The following LYZL1 variants were observed in gnomAD, a reference collection of about 807,000 sequenced individuals.
The protein encoded by LYZL1 is lysozyme like 1.
Under a neutral mutation model 17.9 loss-of-function variants are expected in LYZL1, and 16 were observed. The observed-to-expected ratio is 0.90, with a 90% confidence interval of 0.61 to 1.36. The LOEUF (loss-of-function observed/expected upper bound fraction) is 1.36, where lower values mean the gene tolerates loss of function less well. Ranked by LOEUF, LYZL1 falls within the 40% of genes most tolerant of loss-of-function variation. The pLI is 0.00. For missense variants in LYZL1, 149 were observed against 188.4 expected, an observed-to-expected ratio of 0.79 and a Z score of 1.22; for synonymous variants, 58 against 71.8, an observed-to-expected ratio of 0.81 and a Z score of 0.97.
intron 3 of LYZL1, among the ~76,000 whole-genome samples, chr10:29,306,368 G>C (rs866218576): frequency 7.1e-6 from 1 of 139,894 alleles, no homozygotes; most frequent in Non-Finnish European, 1.6e-5. Flanking sequence ...GGCTAAAACG[G>C]TGAAACCCCG....
intron 3 of LYZL1, among the ~76,000 whole-genome samples, chr10:29,308,262 C>A (rs781326686): frequency 3.5e-4 from 54 of 152,156 alleles, no homozygotes; most frequent in Non-Finnish European, 6.5e-4. Context: ...TGACCCACAC[C>A]CAGTGACATG....
chr10:29,291,737 C>G, intron 1 of LYZL1, 106 bp from the exon 2 acceptor site: 1 of 1,349,676 alleles, frequency 7.4e-7, no homozygotes, highest in Non-Finnish European at 1.0e-6. Flanking sequence ...CACTGAATGA[C>G]CAAAGTGACA....
intron 3 of LYZL1, among the ~76,000 whole-genome samples, chr10:29,306,839 TGAGAGAGA>T (rs146929957): frequency 0.017 from 2,305 of 138,942 alleles, 45 homozygotes; most frequent in African/African-American, 0.057. Flanking sequence ...TGAAAGAGAT[TGAGAGAGA>T]GAGAGAGAGA....
At chr10:29,317,946 T>C (rs1415019367) in intron 4 of LYZL1, among the ~76,000 whole-genome samples, 1 of 143,418 alleles carries the variant, frequency 7.0e-6, no homozygotes, top group Non-Finnish European at 1.5e-5. Context: ...CCTGTCTCTT[T>C]AAAAAAAAAA....
intron 3 of LYZL1, among the ~76,000 whole-genome samples, chr10:29,306,549 CAAAAAAAAA>C (rs58001118): frequency 8.2e-5 from 4 of 48,794 alleles, no homozygotes; most frequent in East Asian, 4.9e-4. Flanking sequence ...GACTCCGTCT[CAAAAAAAAA>C]AAAAAAAAAA....
intron 3 of LYZL1, among the ~76,000 whole-genome samples, chr10:29,303,936 T>C (rs1034669646): frequency 1.3e-5 from 2 of 152,192 alleles, no homozygotes; most frequent in African/African-American, 4.8e-5. Flanking sequence ...TTCTTTTTGT[T>C]TTTGGTAGAG....
chr10:29,297,228 G>GA (rs1393687919), intron 3 of LYZL1, among the ~76,000 whole-genome samples: 1 of 151,852 alleles, frequency 6.6e-6, no homozygotes, highest in African/African-American at 2.4e-5. Flanking sequence ...AAAGCAGAGT[G>GA]AAAAAAAGAG....
intron 3 of LYZL1, among the ~76,000 whole-genome samples, chr10:29,293,951 G>A (rs1443624371): frequency 2.0e-5 from 3 of 151,604 alleles, no homozygotes. Flanking sequence ...TCCAGCCTGG[G>A]TGACAGAGAA....
intron 3 of LYZL1, among the ~76,000 whole-genome samples, chr10:29,308,906 A>C (rs974934213): frequency 6.6e-6 from 1 of 152,236 alleles, no homozygotes; most frequent in Non-Finnish European, 1.5e-5. Context: ...TTGAGACTGC[A>C]GTGAGCTATA....
At chr10:29,294,121 C>A (rs1308367759) in intron 3 of LYZL1, among the ~76,000 whole-genome samples, 2 of 151,868 alleles carry the variant, frequency 1.3e-5, no homozygotes, top group African/African-American at 4.8e-5. Context: ...CAAAGAGGTG[C>A]CTGTGGGAAG....
chr10:29,313,473 T>C (rs1202864173), downstream of LYZL1, among the ~76,000 whole-genome samples: 1 of 152,116 alleles, frequency 6.6e-6, no homozygotes, highest in Non-Finnish European at 1.5e-5. Context: ...GGGGAAATAT[T>C]TTTTTTAAAC....
At chr10:29,311,264 G>A, downstream of LYZL1, 1 of 1,425,672 alleles carries the variant, frequency 7.0e-7, no homozygotes, top group African/African-American at 1.4e-5. Context: ...ATAATAGCAT[G>A]GTGTTAAGAC....
At chr10:29,306,571 A>AAAG (rs1554784237) in intron 3 of LYZL1, among the ~76,000 whole-genome samples, 7 of 147,648 alleles carry the variant, frequency 4.7e-5, no homozygotes, top group South Asian at 2.1e-4. Context: ...AAAAAAAAAA[A>AAAG]AAAAGAAAAA....
intron 3 of LYZL1, among the ~76,000 whole-genome samples, chr10:29,307,142 C>G (rs1564393248): frequency 6.6e-6 from 1 of 152,290 alleles, no homozygotes; most frequent in East Asian, 1.9e-4. Context: ...ACATGAGCTA[C>G]TGTGCCCGGC....
intron 3 of LYZL1, among the ~76,000 whole-genome samples, chr10:29,298,090 C>T (rs1372747054): frequency 1.3e-5 from 2 of 152,096 alleles, no homozygotes; most frequent in African/African-American, 2.4e-5. Flanking sequence ...GAAGACAGAA[C>T]AAACACAAAC....
At chr10:29,314,613 C>T (rs931606200), downstream of LYZL1, among the ~76,000 whole-genome samples, 2 of 152,068 alleles carry the variant, frequency 1.3e-5, no homozygotes, top group Non-Finnish European at 2.9e-5. Flanking sequence ...GGCCCTGTCT[C>T]TTAAAAAAAT....
intron 1 of LYZL1, among the ~76,000 whole-genome samples, chr10:29,290,801 T>C (rs538808531): frequency 6.6e-6 from 1 of 152,118 alleles, no homozygotes; most frequent in Admixed American, 6.5e-5. Context: ...ATGGCGCCAC[T>C]GCACTCCAGC....
Position 29,299,232 on chromosome 10 carries a change from T to C in LYZL1, c.298+6555T>C, listed in dbSNP as rs189612968. ...ACAGATGAAGCTTAGCTCACTTGCC[T>C]GCCGCTCACCTCCTGCTGTGTGACT... On this transcript the variant is annotated intron_variant, in intron 3 of 4. Coordinates refer to ENST00000649382, the MANE Select transcript of LYZL1 (RefSeq NM_032517.6). Among the ~76,000 whole-genome samples the C allele has an allele frequency of 4.2e-3, 638 of 152,322 alleles. 6 individuals are homozygous for C. Among genetic ancestry groups the C allele is most frequent in the African/African-American group, 0.014 (586 of 41,576 alleles).
intron 2 of LYZL1, 111 bp from the exon 3 acceptor site, chr10:29,292,408 G>A (rs1232751842): frequency 5.4e-6 from 8 of 1,494,472 alleles, no homozygotes; most frequent in Non-Finnish European, 7.2e-6. Context: ...TGCCCAAGGT[G>A]TATTGGGAGG....
Sources: allele counts gnomAD v4.1 joint callset (sites outside exome capture counted in the v4.1 genomes callset), GRCh38; gene constraint gnomAD v4.1.1; transcripts MANE v1.5; gene names NCBI Gene and HGNC (gene_info 2026-07-23, HGNC 2026-07-21).